The following DENND10 variants were observed in gnomAD, a reference collection of about 807,000 sequenced individuals.
The protein encoded by DENND10 is DENN domain-containing protein 10.
Under a neutral mutation model 43.6 loss-of-function variants are expected in DENND10, and 24 were observed. The ratio of observed to expected loss-of-function variants is 0.55; its 90% CI spans 0.40 to 0.77. The LOEUF is 0.77. Ranked by LOEUF, DENND10 falls within the 30% of genes least tolerant of loss-of-function variation. DENND10 has a pLI of 0.00. For synonymous variants in DENND10, 125 were observed against 157.6 expected (o/e 0.79, Z 1.55); for missense variants, 303 against 429.9 (o/e 0.70, Z 2.61).
At chr10:119,106,167 G>A (rs1387814242) in intron 1 of DENND10, among the ~76,000 whole-genome samples, 2 of 152,102 alleles carry the variant, frequency 1.3e-5, no homozygotes, top group Non-Finnish European at 2.9e-5. Context: ...AGGTTGCAGT[G>A]AGCTGAGATT....
chr10:119,118,979 G>C lies in DENND10; in HGVS notation c.481+1312G>C, dbSNP rs11591428. Among the ~76,000 whole-genome samples, 1,231 of 151,682 alleles carry C rather than the reference G, an allele frequency of 8.1e-3. 7 individuals carry two copies. Among genetic ancestry groups the C allele is most frequent in the Middle Eastern group, 0.021 (6 of 292 alleles). On this transcript the variant is annotated intron_variant, in intron 4 of 8. Transcript: ENST00000361432. The stretch of plus-strand genomic sequence containing the variant: ...GTGCCTCAGCCTCCCAAGTAGCTGG[G>C]ACTACAGGCACCTGCCACCACACCC...
At position 119,104,139 on chromosome 10, in the gene DENND10, G is replaced by A. The variant is rs1477941288; in HGVS notation, c.-4G>A. The A allele has an allele frequency of 6.6e-7, 1 of 1,512,092 alleles. No individual in the cohort carries two copies. Among genetic ancestry groups the A allele is most frequent in the South Asian group, 1.2e-5 (1 of 80,028 alleles). 93.7% of individuals were successfully genotyped at this position (1,512,092 alleles called of 1,614,324 possible). On this transcript the variant is annotated 5_prime_UTR_variant, in exon 1 of 9. Coordinates refer to ENST00000361432, the MANE Select transcript of DENND10 (RefSeq NM_207009.4). ...GCCAGAGCTGCGCGCCGCGGCGGCG[G>A]AAGATGGCTGCGGCCGAGGTGGCGG...
intron 2 of DENND10, among the ~76,000 whole-genome samples, chr10:119,109,633 T>A (rs1472980006): frequency 1.3e-5 from 2 of 151,972 alleles, no homozygotes; most frequent in Non-Finnish European, 2.9e-5. Flanking sequence ...TTTTTTTTTT[T>A]TTTTACGGGA....
Position 119,118,184 on chromosome 10 carries a change from G to T in DENND10, c.481+517G>T, listed in dbSNP as rs141771492. ...TTTCATATCATTTGTACACAAGAGG[G>T]TGCCTTTAACCCCCGTATTTCCTTA... is the stretch of plus-strand genomic sequence containing the variant. On this transcript the variant is annotated intron_variant, in intron 4 of 8. Transcript: ENST00000361432. 1.3e-3 allele frequency among the ~76,000 whole-genome samples: 205 copies of T among 152,188 alleles called. 2 individuals are homozygous for T. The East Asian group carries it at 0.018, about 13-fold the overall frequency.
intron 2 of DENND10, among the ~76,000 whole-genome samples, chr10:119,109,737 G>A (rs973244942): frequency 6.6e-6 from 1 of 151,486 alleles, no homozygotes; most frequent in African/African-American, 2.4e-5. Context: ...TCCTGCCTCA[G>A]CGTCCTGAGT....
At chr10:119,135,219 T>G (rs1589609256) in intron 8 of DENND10, 1 of 150,688 alleles carries the variant, frequency 6.6e-6, no homozygotes, top group Admixed American at 6.6e-5. Flanking sequence ...TGTAAAAATA[T>G]AGCATTATCA....
Position 119,108,062 on chromosome 10 carries a change from A to C in DENND10, c.150A>C (p.Thr50=). 6.2e-7 allele frequency: 1 copy of C among 1,613,334 alleles called. No homozygotes were observed. The highest frequency in any genetic ancestry group is 8.5e-7 in the Non-Finnish European group (1 of 1,179,250). ...RNLLLRKCCL[T]DENKLLHPFV... ...TGCTGCTGAGAAAATGCTGCCTTAC[A>C]GATGAAAACAAACTTCTCCATCCCT... Residue 50 remains threonine, a synonymous_variant, in exon 2 of 9, where the codon ACA becomes ACC. Transcript: ENST00000361432.
At chr10:119,104,265 G>A (rs551116990) in intron 1 of DENND10, 68 bp downstream of exon 1, 5 of 1,409,722 alleles carry the variant, frequency 3.5e-6, no homozygotes, top group South Asian at 2.7e-5. Context: ...CTCGGCCCGG[G>A]GCAGCCCGGG....
At chr10:119,112,054 C>G in intron 3 of DENND10, 126 bp downstream of exon 3, 1 of 697,058 alleles carries the variant, frequency 1.4e-6, no homozygotes, top group South Asian at 1.8e-5. Context: ...TCTTTAGTAG[C>G]CCTTCACAGA....
intron 2 of DENND10, among the ~76,000 whole-genome samples, chr10:119,108,748 G>A (rs965100467): frequency 6.0e-5 from 9 of 149,728 alleles, no homozygotes; most frequent in Admixed American, 4.0e-4. Flanking sequence ...TCCGCCTCCC[G>A]GGTTCAAGCG....
chr10:119,106,921 A>T (rs1295999149), intron 1 of DENND10, among the ~76,000 whole-genome samples: 1 of 151,950 alleles, frequency 6.6e-6, no homozygotes, highest in East Asian at 1.9e-4. Flanking sequence ...GTGGTGGTGC[A>T]TGCCTGTAAC....
intron 3 of DENND10, among the ~76,000 whole-genome samples, chr10:119,116,031 C>T (rs755253041): frequency 2.0e-5 from 3 of 152,012 alleles, no homozygotes; most frequent in Non-Finnish European, 4.4e-5. Context: ...CCCAAAGTGC[C>T]GTGATTACAG....
intron 6 of DENND10, among the ~76,000 whole-genome samples, chr10:119,128,611 A>C (rs1268890564): frequency 6.6e-6 from 1 of 151,576 alleles, no homozygotes; most frequent in African/African-American, 2.4e-5. Flanking sequence ...GTCTCAAAAA[A>C]AAAAAACAAA....
chr10:119,127,406 T>C (rs556562540), intron 6 of DENND10, among the ~76,000 whole-genome samples: 2 of 152,290 alleles, frequency 1.3e-5, no homozygotes, highest in African/African-American at 4.8e-5. Context: ...TTCTCATTCA[T>C]GGGTGGGCCT....
chr10:119,131,597 T>C (rs1846091804), intron 7 of DENND10, among the ~76,000 whole-genome samples: 1 of 152,240 alleles, frequency 6.6e-6, no homozygotes, highest in Non-Finnish European at 1.5e-5. Context: ...TTGTCACTTA[T>C]CTTTCTCCTA....
At chr10:119,122,527 C>G (rs913626170) in intron 5 of DENND10, among the ~76,000 whole-genome samples, 4 of 152,124 alleles carry the variant, frequency 2.6e-5, no homozygotes, top group Non-Finnish European at 5.9e-5. Context: ...TCACCCTGCC[C>G]TCTCTGGGTC....
rs753869604 is a variant in DENND10, at chr10:119,136,675, C to T, written c.*28C>T. The T allele has an allele frequency of 6.0e-5, 73 of 1,209,082 alleles. No individual in the cohort carries two copies. The highest frequency in any genetic ancestry group is 8.0e-5 in the Non-Finnish European group (70 of 872,430). The allele number at this position is 1,209,082 out of a possible 1,614,324, so 74.9% of individuals were successfully genotyped here. A position where few individuals can be genotyped will look rare whatever the true frequency, so the allele number is the denominator to read the frequency against. On this transcript the variant is annotated 3_prime_UTR_variant, in exon 9 of 9. Transcript: ENST00000361432. ...GTGTGACAGAACGTATCACTGATGA[C>T]TGATAGAAAGCCCTCTTTCACTCTG...
chr10:119,112,084 C>A (rs1212267713), intron 3 of DENND10, among the ~76,000 whole-genome samples, 156 bp downstream of exon 3: 1 of 152,172 alleles, frequency 6.6e-6, no homozygotes, highest in Non-Finnish European at 1.5e-5. Context: ...CGGCCTTTCT[C>A]TTTTGCTCTG....
intron 3 of DENND10, among the ~76,000 whole-genome samples, chr10:119,112,484 T>C: frequency 6.6e-6 from 1 of 150,594 alleles, no homozygotes; most frequent in Admixed American, 6.6e-5. Context: ...TCTTTTTCTT[T>C]TTCTTTTTCT....
Sources: allele counts gnomAD v4.1 joint callset (sites outside exome capture counted in the v4.1 genomes callset), GRCh38; gene constraint gnomAD v4.1.1; transcripts MANE v1.5; gene names NCBI Gene and HGNC (gene_info 2026-07-23, HGNC 2026-07-21).